Variants in EXOC6B observed in about 807,000 individuals in gnomAD.
EXOC6B encodes SEC15 homolog B.
In EXOC6B, 54 loss-of-function variants were observed where a neutral mutation model predicts 113.5. That is an observed-to-expected ratio of 0.48 (90% CI 0.38 to 0.60). The LOEUF is 0.60. Ranked by LOEUF, EXOC6B falls within the 20% of genes least tolerant of loss-of-function variation. EXOC6B has a pLI of 0.00. For missense variants in EXOC6B, 797 were observed against 977.5 expected (o/e 0.82, Z 2.46); for synonymous variants, 357 against 339.0 (o/e 1.05, Z -0.58).
intron 18 of EXOC6B, among the ~76,000 whole-genome samples, chr2:72,428,510 T>C (rs1403409579): frequency 6.6e-6 from 1 of 152,126 alleles, no homozygotes; most frequent in Non-Finnish European, 1.5e-5. Context: ...AGCAGACAAG[T>C]CTGACTGCAC....
chr2:72,377,043 C>T (rs1691406370), intron 19 of EXOC6B, among the ~76,000 whole-genome samples: 2 of 151,896 alleles, frequency 1.3e-5, no homozygotes, highest in Admixed American at 1.3e-4. Context: ...GGTAAAGGAC[C>T]TGAATGGACA....
At chr2:72,492,957 C>A (rs141220212) in intron 15 of EXOC6B, among the ~76,000 whole-genome samples, 40 of 152,200 alleles carry the variant, frequency 2.6e-4, no homozygotes, top group African/African-American at 8.9e-4. Context: ...TGAATACTCT[C>A]AGCCACTTTA....
chr2:72,804,621 G>A (rs1005240745), intron 1 of EXOC6B, among the ~76,000 whole-genome samples: 5 of 151,460 alleles, frequency 3.3e-5, no homozygotes, highest in African/African-American at 1.2e-4. Context: ...TTGAGATGGA[G>A]TTTCGCTCTT....
intron 20 of EXOC6B, among the ~76,000 whole-genome samples, chr2:72,193,585 G>A (rs190805272): frequency 1.1e-4 from 16 of 152,312 alleles, no homozygotes; most frequent in Non-Finnish European, 2.4e-4. Context: ...AATCAGTCTG[G>A]TAAATAAATT....
chr2:72,368,846 G>A (rs1190241050), intron 19 of EXOC6B, among the ~76,000 whole-genome samples: 1 of 152,032 alleles, frequency 6.6e-6, no homozygotes, highest in Non-Finnish European at 1.5e-5. Context: ...AATAAATTAG[G>A]CATTGATGGG....
At chr2:72,286,171 T>C (rs1371553731) in intron 20 of EXOC6B, among the ~76,000 whole-genome samples, 2 of 152,204 alleles carry the variant, frequency 1.3e-5, no homozygotes, top group East Asian at 1.9e-4. Context: ...TGAAAACTTA[T>C]ATTCACACAA....
intron 20 of EXOC6B, among the ~76,000 whole-genome samples, chr2:72,216,893 G>T (rs1355310897): frequency 1.3e-5 from 2 of 152,030 alleles, no homozygotes; most frequent in Non-Finnish European, 2.9e-5. Flanking sequence ...ACACACCGGG[G>T]CCTGTTGGGG....
chr2:72,267,188 C>T (rs972747230), intron 20 of EXOC6B, among the ~76,000 whole-genome samples: 1 of 152,174 alleles, frequency 6.6e-6, no homozygotes, highest in African/African-American at 2.4e-5. Context: ...GATATACAAT[C>T]ATGTTGTCTG....
intron 20 of EXOC6B, among the ~76,000 whole-genome samples, chr2:72,187,406 G>A (rs1039162050): frequency 7.2e-5 from 11 of 151,760 alleles, no homozygotes; most frequent in African/African-American, 2.4e-4. Flanking sequence ...CTTTTCCTGC[G>A]ACCAGGAAGA....
At chr2:72,777,245 A>G (rs1221855345) in intron 1 of EXOC6B, among the ~76,000 whole-genome samples, 4 of 152,190 alleles carry the variant, frequency 2.6e-5, no homozygotes, top group Admixed American at 2.0e-4. Context: ...CTCTGTCTCA[A>G]AAAAAGAAAA....
At chr2:72,220,979 A>C (rs533744527) in intron 20 of EXOC6B, among the ~76,000 whole-genome samples, 47 of 152,330 alleles carry the variant, frequency 3.1e-4, no homozygotes, top group Admixed American at 9.2e-4. Flanking sequence ...TGTGCTAGAA[A>C]CATTCAAGTT....
At chr2:72,244,893 G>A (rs1254901593) in intron 20 of EXOC6B, among the ~76,000 whole-genome samples, 1 of 152,078 alleles carries the variant, frequency 6.6e-6, no homozygotes, top group Admixed American at 6.5e-5. Context: ...ATTTACATTT[G>A]TCACTCTAAA....
chr2:72,756,356 A>G (rs1682412265), intron 1 of EXOC6B, among the ~76,000 whole-genome samples: 1 of 152,170 alleles, frequency 6.6e-6, no homozygotes, highest in South Asian at 2.1e-4. Context: ...GCCACACAAC[A>G]TGTGGGACAG....
rs116732263 is a variant in EXOC6B at position 72,330,168 on chromosome 2, G to A, written c.2196+4779C>T. On this transcript the variant is annotated intron_variant, in intron 20 of 21. Transcript: ENST00000272427. ...AAATAATGGGATGTTACTAAGAAAA[G>A]GAACACCCTCAAGCCTTTGACCAAA... Among the ~76,000 whole-genome samples, 1,143 of 152,094 alleles carry A rather than the reference G, an allele frequency of 7.5e-3. 26 individuals are homozygous for A. The highest frequency in any genetic ancestry group is 0.026 in the African/African-American group (1,075 of 41,518).
chr2:72,513,898 T>A (rs1185528638), intron 10 of EXOC6B, among the ~76,000 whole-genome samples: 1 of 152,106 alleles, frequency 6.6e-6, no homozygotes, highest in Admixed American at 6.5e-5. Flanking sequence ...TTTTATGATA[T>A]ATTTTAATAA....
chr2:72,251,010 T>C (rs1222310453), intron 20 of EXOC6B, among the ~76,000 whole-genome samples: 2 of 143,998 alleles, frequency 1.4e-5, no homozygotes, highest in Non-Finnish European at 3.1e-5. Context: ...GTATTTTTTA[T>C]GGAGACGGGG....
At chr2:72,787,918 C>A (rs992481463) in intron 1 of EXOC6B, among the ~76,000 whole-genome samples, 1 of 152,174 alleles carries the variant, frequency 6.6e-6, no homozygotes, top group African/African-American at 2.4e-5. Flanking sequence ...ACCCATTCAG[C>A]TATCAGAACT....
At chr2:72,611,214 A>C (rs891275884) in intron 6 of EXOC6B, among the ~76,000 whole-genome samples, 1 of 152,054 alleles carries the variant, frequency 6.6e-6, no homozygotes, top group Admixed American at 6.6e-5. Flanking sequence ...AATACAAAAA[A>C]TTAGCCGGGC....
chr2:72,417,741 T>A (rs1009732667), intron 18 of EXOC6B, among the ~76,000 whole-genome samples: 1 of 152,204 alleles, frequency 6.6e-6, no homozygotes, highest in African/African-American at 2.4e-5. Flanking sequence ...TACATTTTTA[T>A]GGTATGATAT....
Sources: gnomAD v4.1 joint callset for allele counts (sites outside exome capture counted in the v4.1 genomes callset) on GRCh38, gnomAD v4.1.1 for gene constraint, MANE v1.5 for transcripts, NCBI Gene and HGNC (gene_info 2026-07-23, HGNC 2026-07-21) for gene names.